CA6: variants seen among roughly 807,000 people sequenced by gnomAD.
The protein encoded by CA6 is carbonate dehydratase VI.
CA6 carries 28 observed loss-of-function variants against 35.9 expected under a neutral mutation model. The ratio of observed to expected loss-of-function variants is 0.78; its 90% CI spans 0.58 to 1.07. The LOEUF (loss-of-function observed/expected upper bound fraction) is 1.07, where lower values mean the gene tolerates loss of function less well. CA6 is among the 50% of genes least tolerant of loss of function. CA6 has a pLI of 0.00. For synonymous variants in CA6, 148 were observed against 152.6 expected, an observed-to-expected ratio of 0.97 and a Z score of 0.22; for missense variants, 377 against 382.0, an observed-to-expected ratio of 0.99 and a Z score of 0.11.
At chr1:8,964,025 T>C (rs1463309664) in intron 5 of CA6, among the ~76,000 whole-genome samples, 1 of 152,140 alleles carries the variant, frequency 6.6e-6, no homozygotes, top group Non-Finnish European at 1.5e-5. Flanking sequence ...TCCCACTCCA[T>C]TGAGAAGACA....
chr1:8,966,149 G>A (rs576815054), intron 5 of CA6, among the ~76,000 whole-genome samples: 7 of 151,894 alleles, frequency 4.6e-5, no homozygotes, highest in Admixed American at 2.6e-4. Context: ...ACAGAGTCTC[G>A]CTGGGGCGGG....
rs1287464807 is a variant in CA6 at position 8,958,920 on chromosome 1, T to C, written c.419T>C (p.Val140Ala). 1 of 1,601,650 alleles carries C rather than the reference T, an allele frequency of 6.2e-7. No individual in the cohort carries two copies. Among genetic ancestry groups the C allele is most frequent in the Non-Finnish European group, 8.6e-7 (1 of 1,169,084 alleles). ...GIRHVIEIHI[V>A]HYNSKYKSYD... is the part of the protein sequence containing the mutation. ...ACCTTGCTCTTACAGATTCACATTG[T>C]TCACTACAATTCTAAATACAAGAGC... Residue 140 changes from valine to alanine, a missense_variant, in exon 4 of 8, where the codon GTT (valine) becomes GCT (alanine). Physicochemically the swap from Val to Ala is moderately conservative, Grantham distance 64 (BLOSUM62 0). Coordinates refer to ENST00000377443, the MANE Select transcript of CA6 (RefSeq NM_001215.4).
intron 7 of CA6, among the ~76,000 whole-genome samples, chr1:8,972,946 T>C (rs1640147360): frequency 6.6e-6 from 1 of 152,172 alleles, no homozygotes; most frequent in African/African-American, 2.4e-5. Flanking sequence ...AGAATCCCTT[T>C]GTCCGAAAGT....
chr1:8,964,147 C>A (rs1190675451), intron 5 of CA6, among the ~76,000 whole-genome samples: 2 of 152,224 alleles, frequency 1.3e-5, no homozygotes, highest in East Asian at 3.8e-4. Flanking sequence ...GTCAACACCA[C>A]CCCTCCCACG....
In CA6 at chr1:8,967,823, T is replaced by C; in HGVS notation, c.729+7T>C. 5 of 1,613,390 alleles carry C rather than the reference T, an allele frequency of 3.1e-6. No individual in the cohort carries two copies. Among genetic ancestry groups the C allele is most frequent in the Non-Finnish European group, 4.2e-6 (5 of 1,179,644 alleles). On this transcript the variant is annotated splice_region_variant and intron_variant, in intron 6 of 7. Transcript: ENST00000377443. ...CAAGCTCTCCAGGACACAGGTAATG[T>C]ATGGTATCACTTTGCCGAAGTCTTC...
chr1:8,967,833 C>G lies in CA6; in HGVS notation c.729+17C>G. 1 of 1,611,668 alleles carries G rather than the reference C, an allele frequency of 6.2e-7. No homozygotes were observed. Among genetic ancestry groups the G allele is most frequent in the Non-Finnish European group, 8.5e-7 (1 of 1,178,708 alleles). Reference sequence around the variant, plus strand: ...AGGACACAGGTAATGTATGGTATCACTTTGCCGAAGTCTTCCCATTCGATT... The same window carrying G: ...AGGACACAGGTAATGTATGGTATCAGTTTGCCGAAGTCTTCCCATTCGATT... On this transcript the variant is annotated intron_variant, in intron 6 of 7. Coordinates refer to ENST00000377443, the MANE Select transcript of CA6 (RefSeq NM_001215.4).
At chr1:8,951,578 T>TGCGGGCTTCGTGCTGAGG (rs765940302) in intron 2 of CA6, 2 of 765,080 alleles carry the variant, frequency 2.6e-6, no homozygotes, top group African/African-American at 3.4e-5. Flanking sequence ...GCTTGCTGAG[T>TGCGGGCTTCGTGCTGAGG]GCGGGCTTCG....
intron 1 of CA6, among the ~76,000 whole-genome samples, chr1:8,948,323 C>G (rs1262479833): frequency 6.6e-6 from 1 of 152,086 alleles, no homozygotes; most frequent in Non-Finnish European, 1.5e-5. Flanking sequence ...ATTATCAACC[C>G]TCTCTGAAAA....
intron 2 of CA6, among the ~76,000 whole-genome samples, chr1:8,950,925 A>C (rs11576766): frequency 0.4 from 61,070 of 152,050 alleles, 13,210 homozygotes; most frequent in Non-Finnish European, 0.47. Flanking sequence ...CAATCAAGAA[A>C]ATAAAACCAG....
At chr1:8,971,104 C>T in intron 7 of CA6, 123 bp downstream of exon 7, 2 of 710,028 alleles carry the variant, frequency 2.8e-6, no homozygotes, top group Non-Finnish European at 5.0e-6. Context: ...GCAAGAGGCT[C>T]AGGTGGGCCA....
chr1:8,951,528 G>C (rs774341667), intron 2 of CA6: 1 of 765,174 alleles, frequency 1.3e-6, no homozygotes, highest in South Asian at 1.3e-5. Context: ...CTGGACAGCT[G>C]GTGGGAAGCA....
rs779569506 is a variant in CA6 at position 8,967,752 on chromosome 1, C to T, written c.665C>T (p.Pro222Leu). ...YYTYHGSLTT[P>L]PCTENVHWFV... Reference sequence around the variant, plus strand: ...ACCTACCATGGCTCACTCACCACGCCTCCCTGCACTGAGAACGTCCACTGG... The same window carrying T: ...ACCTACCATGGCTCACTCACCACGCTTCCCTGCACTGAGAACGTCCACTGG... Residue 222 changes from proline to leucine, a missense_variant, in exon 6 of 8, where the codon CCT (proline) becomes CTT (leucine). Physicochemically the swap from Pro to Leu is moderately conservative, Grantham distance 98 (BLOSUM62 -3). Coordinates refer to ENST00000377443, the MANE Select transcript of CA6 (RefSeq NM_001215.4). 1 of 1,614,116 alleles carries T rather than the reference C, an allele frequency of 6.2e-7. No homozygotes were observed. Among genetic ancestry groups the T allele is most frequent in the Non-Finnish European group, 8.5e-7 (1 of 1,180,016 alleles).
Position 8,969,952 on chromosome 1 carries a change from G to T in CA6, c.730-915G>T, listed in dbSNP as rs12076012. On this transcript the variant is annotated intron_variant, in intron 6 of 7. Coordinates refer to ENST00000377443, the MANE Select transcript of CA6 (RefSeq NM_001215.4). The stretch of plus-strand genomic sequence containing the variant: ...AGGTCAGGTGAGGTGGTTCATACCT[G>T]TAATTCCAGCACTATGGGAGGCTGA... Among the ~76,000 whole-genome samples, 774 of 152,232 alleles carry T rather than the reference G, an allele frequency of 5.1e-3. 3 individuals carry two copies. Among genetic ancestry groups the T allele is most frequent in the African/African-American group, 0.018 (739 of 41,538 alleles).
intron 1 of CA6, among the ~76,000 whole-genome samples, chr1:8,947,047 G>A (rs746947027): frequency 1.3e-5 from 2 of 151,742 alleles, no homozygotes; most frequent in Non-Finnish European, 2.9e-5. Context: ...CAAGTGATCC[G>A]CCCACCTTAG....
At chr1:8,974,394 C>T in intron 7 of CA6, 2 of 1,541,546 alleles carry the variant, frequency 1.3e-6, no homozygotes, top group Non-Finnish European at 1.7e-6. Context: ...TCCAAGAGTA[C>T]AGCCCACCTC....
chr1:8,957,423 C>G, intron 3 of CA6, 138 bp downstream of exon 3: 2 of 746,386 alleles, frequency 2.7e-6, no homozygotes, highest in Non-Finnish European at 4.1e-6. Flanking sequence ...TCACTGCAAC[C>G]TCCGCCTTCT....
chr1:8,960,005 A>T (rs148299821), intron 4 of CA6, among the ~76,000 whole-genome samples: 1 of 149,256 alleles, frequency 6.7e-6, no homozygotes, highest in East Asian at 2.0e-4. Context: ...GCTGAGGCAG[A>T]TGGATCACCT....
chr1:8,956,497 T>C (rs1189730977), intron 2 of CA6, among the ~76,000 whole-genome samples: 1 of 151,864 alleles, frequency 6.6e-6, no homozygotes, highest in Non-Finnish European at 1.5e-5. Flanking sequence ...CTGTCTCTAC[T>C]AAAAACACAA....
Position 8,957,326 on chromosome 1 carries a change from C to G in CA6, c.408+41C>G, listed in dbSNP as rs369107515. On this transcript the variant is annotated intron_variant, in intron 3 of 7. Coordinates refer to ENST00000377443, the MANE Select transcript of CA6 (RefSeq NM_001215.4). ...CACTGTGTCCTCTTTCCTTTGAACC[C>G]CATAGTCACTTTTCTTTTTATTTAT... The G allele has an allele frequency of 7.1e-6, 11 of 1,547,484 alleles. No homozygotes were observed. In the Middle Eastern group the frequency reaches 5.2e-4, roughly 73 times the overall value.
Sources: gnomAD v4.1 joint callset for allele counts (sites outside exome capture counted in the v4.1 genomes callset) on GRCh38, gnomAD v4.1.1 for gene constraint, MANE v1.5 for transcripts, NCBI Gene and HGNC (gene_info 2026-07-23, HGNC 2026-07-21) for gene names.